Variants in TRAPPC8 observed in about 807,000 individuals in gnomAD.
TRAPPC8 encodes the protein trafficking protein particle complex subunit 8.
TRAPPC8 carries 54 observed loss-of-function variants against 174.3 expected under a neutral mutation model. That is an observed-to-expected ratio of 0.31 (90% CI 0.25 to 0.39). The LOEUF is 0.39. TRAPPC8 is among the 10% of genes least tolerant of loss of function. The pLI is 1.00. For missense variants in TRAPPC8, 1,531 were observed against 1,699.1 expected (o/e 0.90, Z 1.74); for synonymous variants, 630 against 579.9 (o/e 1.09, Z -1.24).
intron 22 of TRAPPC8, among the ~76,000 whole-genome samples, chr18:31,853,263 AGTTTT>A (rs751819287): frequency 1.1e-4 from 17 of 151,938 alleles, no homozygotes; most frequent in Admixed American, 2.0e-4. Context: ...GTACCAGTTA[AGTTTT>A]GTTTTGTTTT....
At chr18:31,884,517 C>T in intron 12 of TRAPPC8, among the ~76,000 whole-genome samples, 1 of 152,178 alleles carries the variant, frequency 6.6e-6, no homozygotes, top group East Asian at 1.9e-4. Flanking sequence ...CTATCACAAG[C>T]ATAAGCAGCT....
chr18:31,887,747 C>A (rs1378838770), intron 12 of TRAPPC8, among the ~76,000 whole-genome samples: 1 of 149,652 alleles, frequency 6.7e-6, no homozygotes, highest in Admixed American at 6.6e-5. Flanking sequence ...TGAAAACCAG[C>A]ACAAGACAAG....
intron 2 of TRAPPC8, among the ~76,000 whole-genome samples, chr18:31,929,213 T>TA (rs2037750990): frequency 6.9e-6 from 1 of 145,446 alleles, no homozygotes; most frequent in Non-Finnish European, 1.5e-5. Flanking sequence ...AAGAAAAGAA[T>TA]CCAGCCAAAC....
chr18:31,860,992 T>G (rs900186700), intron 19 of TRAPPC8, among the ~76,000 whole-genome samples: 1 of 152,238 alleles, frequency 6.6e-6, no homozygotes, highest in Non-Finnish European at 1.5e-5. Flanking sequence ...ACTGTCTAGA[T>G]TCTCACTCTG....
At chr18:31,903,172 A>G (rs1393485993) in intron 9 of TRAPPC8, among the ~76,000 whole-genome samples, 1 of 151,936 alleles carries the variant, frequency 6.6e-6, no homozygotes, top group Non-Finnish European at 1.5e-5. Flanking sequence ...AGTGGCAACA[A>G]TTTTCCACCC....
chr18:31,856,110 CTCTT>C (rs975462043), intron 20 of TRAPPC8, among the ~76,000 whole-genome samples: 7 of 150,724 alleles, frequency 4.6e-5, no homozygotes, highest in African/African-American at 1.2e-4. Flanking sequence ...TTCTTTCTCT[CTCTT>C]TTTTTTTTGA....
chr18:31,904,130 G>T (rs922459081), intron 9 of TRAPPC8, among the ~76,000 whole-genome samples: 4 of 152,050 alleles, frequency 2.6e-5, no homozygotes, highest in Non-Finnish European at 4.4e-5. Context: ...CAGCTACTGT[G>T]GGGGGCTGAG....
chr18:31,864,551 A>G (rs1255180915), intron 19 of TRAPPC8, 76 bp downstream of exon 19: 14 of 1,433,294 alleles, frequency 9.8e-6, no homozygotes, highest in Non-Finnish European at 1.2e-5. Context: ...AAAACCTCAG[A>G]GCCTAAAATT....
At chr18:31,887,747 C>T (rs1378838770) in intron 12 of TRAPPC8, among the ~76,000 whole-genome samples, 1 of 149,652 alleles carries the variant, frequency 6.7e-6, no homozygotes, top group African/African-American at 2.6e-5. Context: ...TGAAAACCAG[C>T]ACAAGACAAG....
chr18:31,942,572 G>A, intron 1 of TRAPPC8, 36 bp downstream of exon 1: 1 of 1,494,216 alleles, frequency 6.7e-7, no homozygotes, highest in Admixed American at 2.2e-5. Flanking sequence ...CCACGGCTTT[G>A]CGGGAGCCCA....
chr18:31,877,439 C>T (rs537047452), intron 12 of TRAPPC8, among the ~76,000 whole-genome samples: 30 of 151,908 alleles, frequency 2.0e-4, no homozygotes, highest in East Asian at 3.9e-4. Context: ...GGTGAAACCC[C>T]GTCTCTACTA....
chr18:31,843,324 T>A (rs2033208864), intron 26 of TRAPPC8, among the ~76,000 whole-genome samples: 1 of 152,210 alleles, frequency 6.6e-6, no homozygotes, highest in Non-Finnish European at 1.5e-5. Context: ...GCTGAATGAA[T>A]GTTTACGTGA....
chr18:31,893,122 A>G (rs746429899), intron 11 of TRAPPC8, among the ~76,000 whole-genome samples: 1 of 150,954 alleles, frequency 6.6e-6, no homozygotes, highest in Non-Finnish European at 1.5e-5. Context: ...TAATTTTCCT[A>G]TGAATTGCCT....
Position 31,857,595 on chromosome 18 carries a change from G to T in TRAPPC8, c.3133C>A (p.His1045Asn). ...TAGTAAAACAAAAAGTTAATTTCATGGACACCTTCTTCATCAGGCCCACGT... is the reference window on the plus strand; with the variant it reads ...TAGTAAAACAAAAAGTTAATTTCATTGACACCTTCTTCATCAGGCCCACGT... ...WLRGPDEEGV[H>N]EINFLFYYES... The change falls in exon 20 of 29, where the codon CAT (histidine) becomes AAT (asparagine). Residue 1045 changes from histidine (H) to asparagine (N), a missense_variant. Transcript: ENST00000283351. 1 of 1,611,196 alleles carries T rather than the reference G, an allele frequency of 6.2e-7. No individual in the cohort carries two copies. The highest frequency in any genetic ancestry group is 8.5e-7 in the Non-Finnish European group (1 of 1,178,924).
At chr18:31,892,460 T>C (rs944734826) in intron 11 of TRAPPC8, among the ~76,000 whole-genome samples, 1 of 152,212 alleles carries the variant, frequency 6.6e-6, no homozygotes, top group Non-Finnish European at 1.5e-5. Context: ...TACCCTAAAT[T>C]ACCGATTGTT....
intron 11 of TRAPPC8, among the ~76,000 whole-genome samples, chr18:31,894,211 C>G (rs1329524724): frequency 1.3e-5 from 2 of 152,124 alleles, no homozygotes; most frequent in African/African-American, 4.8e-5. Context: ...TATCTTGGTC[C>G]AGCTTTATTC....
At chr18:31,929,061 A>G (rs917986366) in intron 2 of TRAPPC8, among the ~76,000 whole-genome samples, 1 of 152,088 alleles carries the variant, frequency 6.6e-6, no homozygotes, top group Non-Finnish European at 1.5e-5. Context: ...GGGCACCTGT[A>G]ATCCCAGATA....
At chr18:31,884,843 A>T (rs975674100) in intron 12 of TRAPPC8, among the ~76,000 whole-genome samples, 2 of 151,530 alleles carry the variant, frequency 1.3e-5, no homozygotes, top group Non-Finnish European at 2.9e-5. Context: ...TCCATTTCTT[A>T]AAAAAATTAA....
At position 31,870,388 on chromosome 18, in the gene TRAPPC8, T is replaced by C. The variant is rs2034795443; in HGVS notation, c.2372A>G (p.Glu791Gly). The stretch of plus-strand genomic sequence containing the variant: ...ATAACTTACTAGTTGTTTAACTTCT[T>C]CATTATCCTTTCCACTGAAATCTTT... ...HPKDFSGKDN[E>G]EVKQLVTSEP... Residue 791 changes from glutamate (E) to glycine (G), a missense_variant, in exon 16 of 29, where the codon GAA becomes GGA. Transcript: ENST00000283351. The C allele has an allele frequency of 1.2e-6, 2 of 1,610,154 alleles. No individual in the cohort carries two copies. The highest frequency in any genetic ancestry group is 1.7e-6 in the Non-Finnish European group (2 of 1,178,610).
Sources: gnomAD v4.1 joint callset for allele counts (sites outside exome capture counted in the v4.1 genomes callset) on GRCh38, gnomAD v4.1.1 for gene constraint, MANE v1.5 for transcripts, NCBI Gene and HGNC (gene_info 2026-07-23, HGNC 2026-07-21) for gene names.